The following NLRP9 variants were observed in gnomAD, a reference collection of about 807,000 sequenced individuals.
NLRP9 encodes the protein NLR family pyrin domain containing 9.
Under a neutral mutation model 83.1 loss-of-function variants are expected in NLRP9, and 88 were observed. The observed-to-expected ratio is 1.06, with a 90% CI of 0.89 to 1.26. The LOEUF is 1.26. NLRP9 is among the 50% of genes most tolerant of loss of function. The pLI is 0.00. For missense variants in NLRP9, 1,308 were observed against 1,179.3 expected, an observed-to-expected ratio of 1.11 and a Z score of -1.60; for synonymous variants, 521 against 447.6, an observed-to-expected ratio of 1.16 and a Z score of -2.07.
At chr19:55,734,910 C>T (rs933443792) in intron 1 of NLRP9, among the ~76,000 whole-genome samples, 4 of 152,162 alleles carry the variant, frequency 2.6e-5, no homozygotes, top group Non-Finnish European at 4.4e-5. Context: ...GCTGGGATTA[C>T]AGGCGTAAGC....
At chr19:55,717,705 T>C (rs73065006) in intron 4 of NLRP9, among the ~76,000 whole-genome samples, 30,284 of 152,188 alleles carry the variant, frequency 0.2, 3,217 homozygotes, top group African/African-American at 0.25. Context: ...GGCAGCTCTT[T>C]TGCAGCCACT....
Position 55,732,829 on chromosome 19 carries a change from G to A in NLRP9, c.1002C>T (p.Cys334=), listed in dbSNP as rs1336797647. 1.2e-6 allele frequency: 2 copies of A among 1,613,990 alleles called. No homozygotes were observed. ...VRDNGPLFIL[C]HNPFTCWLVC... Reference sequence around the variant, plus strand: ...CCAACCAGCACGTAAAGGGATTATGGCACAAGATAAACAGCGGCCCATTAT... The same window carrying A: ...CCAACCAGCACGTAAAGGGATTATGACACAAGATAAACAGCGGCCCATTAT... The change falls in exon 2 of 9, where the codon TGC becomes TGT. Residue 334 remains cysteine, a synonymous_variant. Coordinates refer to ENST00000332836, the MANE Select transcript of NLRP9 (RefSeq NM_176820.4).
chr19:55,715,009 C>A, intron 6 of NLRP9, 46 bp downstream of exon 6: 1 of 1,550,678 alleles, frequency 6.4e-7, no homozygotes, highest in Non-Finnish European at 8.7e-7. Context: ...CCACAGTATC[C>A]AAAAAAAGAA....
chr19:55,731,013 G>T (rs970517684), intron 2 of NLRP9, among the ~76,000 whole-genome samples: 6 of 152,132 alleles, frequency 3.9e-5, no homozygotes, highest in African/African-American at 1.4e-4. Context: ...TGTGACCCTG[G>T]ACAAGCTATT....
rs546026386 is a variant in NLRP9 at position 55,711,827 on chromosome 19, T to A, written c.2816A>T (p.His939Leu). Residue 939 changes from histidine to leucine, a missense_variant, in exon 8 of 9, where the codon CAC becomes CTC. Transcript: ENST00000332836. ...AVVVLCEALS[H>L]PDCALQMLGL... is the part of the protein sequence containing the mutation. ...CAGCATCTGCAGGGCACAGTCCGGG[T>A]GGCTCAATGCCTCACACAGCACCAC... 6.2e-7 allele frequency: 1 copy of A among 1,613,260 alleles called. No individual in the cohort carries two copies. Among genetic ancestry groups the A allele is most frequent in the East Asian group, 2.2e-5 (1 of 44,874 alleles).
chr19:55,711,477 G>C, intron 8 of NLRP9: 11 of 1,329,032 alleles, frequency 8.3e-6, no homozygotes, highest in Non-Finnish European at 1.1e-5. Flanking sequence ...GGCAACGTAA[G>C]TAGAAGATGT....
intron 2 of NLRP9, among the ~76,000 whole-genome samples, chr19:55,730,641 G>A (rs1228424711): frequency 2.0e-5 from 3 of 148,098 alleles, no homozygotes; most frequent in African/African-American, 8.0e-5. Flanking sequence ...ATTATCCTTA[G>A]CAAACGAATG....
At position 55,708,970 on chromosome 19, in the gene NLRP9, G is replaced by A. The variant is rs1987571004; in HGVS notation, c.2918C>T (p.Thr973Ile). The change falls in exon 9 of 9, where the codon ACC (threonine) becomes ATC (isoleucine). Residue 973 changes from threonine to isoleucine, a missense_variant. Coordinates refer to ENST00000332836, the MANE Select transcript of NLRP9 (RefSeq NM_176820.4). ...GTCAATCCAAGGTCCATGTGAAATG[G>A]TCAGATGGGGAATTTTTTCTTCCAC... is the stretch of plus-strand genomic sequence containing the variant. ...MSVEEKIPHLTISHGPWIDEE... is the reference protein window; with the variant it reads ...MSVEEKIPHLIISHGPWIDEE... The A allele has an allele frequency of 6.3e-7, 1 of 1,591,084 alleles. No homozygotes were observed. The highest frequency in any genetic ancestry group is 8.5e-7 in the Non-Finnish European group (1 of 1,170,940).
intron 3 of NLRP9, among the ~76,000 whole-genome samples, chr19:55,729,044 C>CTTTTT (rs199974942): frequency 9.2e-5 from 9 of 98,260 alleles, no homozygotes; most frequent in African/African-American, 1.3e-4. Context: ...TCTTATTTTT[C>CTTTTT]TTTTTCTTTT....
intron 3 of NLRP9, among the ~76,000 whole-genome samples, chr19:55,727,433 A>T (rs996454781): frequency 2.0e-5 from 3 of 152,156 alleles, no homozygotes; most frequent in Admixed American, 2.0e-4. Flanking sequence ...TCATGTGAAA[A>T]TCAATGACTT....
chr19:55,733,117 T>C lies in NLRP9; in HGVS notation c.714A>G (p.Gln238=). The change falls in exon 2 of 9, where the codon CAA becomes CAG. Residue 238 remains glutamine, a synonymous_variant. Coordinates refer to ENST00000332836, the MANE Select transcript of NLRP9 (RefSeq NM_176820.4). ...DGFEQLKFNL[Q]LKADLSDDWR... ...AATCATCGCTCAAGTCAGCCTTAAG[T>C]TGTAAGTTAAACTTCAGTTGCTCAA... is the stretch of plus-strand genomic sequence containing the variant. 1.2e-6 allele frequency: 2 copies of C among 1,614,184 alleles called. No individual in the cohort carries two copies. Among genetic ancestry groups the C allele is most frequent in the Admixed American group, 3.3e-5 (2 of 60,012 alleles).
chr19:55,735,060 G>A (rs904305492), intron 1 of NLRP9, among the ~76,000 whole-genome samples: 1 of 152,160 alleles, frequency 6.6e-6, no homozygotes, highest in African/African-American at 2.4e-5. Context: ...CTTGGGAAGG[G>A]ACTGGACGGA....
chr19:55,731,639 G>A (rs746837237), intron 2 of NLRP9, among the ~76,000 whole-genome samples: 32 of 151,050 alleles, frequency 2.1e-4, no homozygotes, highest in Admixed American at 5.3e-4. Context: ...CAGGAGAGTC[G>A]CTTGAACCTG....
At chr19:55,709,544 GTTC>G (rs1272851337) in intron 8 of NLRP9, 1 of 152,118 alleles carries the variant, frequency 6.6e-6, no homozygotes, top group African/African-American at 2.4e-5. Context: ...TATGTCAAAC[GTTC>G]TTGTCTGTTT....
chr19:55,720,314 T>C (rs1387800281), intron 4 of NLRP9, among the ~76,000 whole-genome samples: 2 of 152,180 alleles, frequency 1.3e-5, no homozygotes, highest in African/African-American at 4.8e-5. Context: ...CTTATGACTT[T>C]GGGCTTGGAA....
At chr19:55,710,504 C>T (rs1018286366) in intron 8 of NLRP9, among the ~76,000 whole-genome samples, 2 of 152,086 alleles carry the variant, frequency 1.3e-5, no homozygotes, top group African/African-American at 4.8e-5. Context: ...GAGGTGGGGC[C>T]TGGTGGGAGG....
chr19:55,734,212 C>T (rs536500962), intron 1 of NLRP9, among the ~76,000 whole-genome samples: 3 of 151,416 alleles, frequency 2.0e-5, no homozygotes, highest in Non-Finnish European at 2.9e-5. Flanking sequence ...CGTGAGCCAC[C>T]GCGCCCGGCT....
chr19:55,736,347 C>T (rs1019881385), intron 1 of NLRP9, among the ~76,000 whole-genome samples: 8 of 151,918 alleles, frequency 5.3e-5, no homozygotes, highest in African/African-American at 7.2e-5. Context: ...GCTGAGATCG[C>T]GCCACTGCAC....
At chr19:55,728,956 A>C (rs1183698168) in intron 3 of NLRP9, among the ~76,000 whole-genome samples, 1 of 151,784 alleles carries the variant, frequency 6.6e-6, no homozygotes, top group Non-Finnish European at 1.5e-5. Context: ...AATAATAAAA[A>C]CTTTATTAGG....
Sources: allele counts gnomAD v4.1 joint callset (sites outside exome capture counted in the v4.1 genomes callset), GRCh38; gene constraint gnomAD v4.1.1; transcripts MANE v1.5; gene names NCBI Gene and HGNC (gene_info 2026-07-23, HGNC 2026-07-21).